The following NCALD variants were observed in gnomAD, a reference collection of about 807,000 sequenced individuals.
NCALD encodes neurocalcin delta, also known as neurocalcin-delta.
In NCALD, 10 loss-of-function variants were observed where a neutral mutation model predicts 18.6. That is an observed-to-expected ratio of 0.54 (90% confidence interval 0.33 to 0.91). The LOEUF is 0.91. Among genes scored for constraint, NCALD ranks in the 40% least tolerant of loss-of-function variants. The pLI is 0.03. For missense variants in NCALD, 184 were observed against 247.6 expected, an observed-to-expected ratio of 0.74 and a Z score of 1.72; for synonymous variants, 88 against 87.4, an observed-to-expected ratio of 1.01 and a Z score of -0.04.
chr8:101,762,632 C>T (rs191367955), intron 1 of NCALD, among the ~76,000 whole-genome samples: 12 of 149,834 alleles, frequency 8.0e-5, no homozygotes, highest in East Asian at 3.9e-4. Context: ...TGGAGTACAG[C>T]GGTGTGATAT....
In NCALD at chr8:102,044,320, C is replaced by T. The variant is rs140634600; in HGVS notation, c.-209-24031G>A. 7.8e-4 allele frequency among the ~76,000 whole-genome samples: 118 copies of T among 151,964 alleles called. 4 individuals carry two copies. The highest frequency in any genetic ancestry group is 2.5e-3 in the African/African-American group (104 of 41,320). ...CCTTGCTAGGGAATGTGAGGACACA[C>T]GGAAATGGGTTTAGGAAGAGAGGCA... is the stretch of plus-strand genomic sequence containing the variant. On this transcript the variant is annotated intron_variant, in intron 1 of 6. Transcript: ENST00000311028.
chr8:101,715,809 C>T (rs1816051406), intron 2 of NCALD, among the ~76,000 whole-genome samples: 1 of 152,116 alleles, frequency 6.6e-6, no homozygotes, highest in Non-Finnish European at 1.5e-5. Context: ...ATTAAAAAGT[C>T]AGGAAACAAC....
chr8:102,046,668 C>G (rs1472289066), intron 1 of NCALD, among the ~76,000 whole-genome samples: 1 of 152,070 alleles, frequency 6.6e-6, no homozygotes, highest in Non-Finnish European at 1.5e-5. Flanking sequence ...CCATGCCCAG[C>G]TAATTTTTGT....
chr8:102,029,163 A>G (rs1388332347), intron 1 of NCALD: 1 of 152,200 alleles, frequency 6.6e-6, no homozygotes, highest in Non-Finnish European at 1.5e-5. Context: ...AGACCAAAGT[A>G]GTAAAATGTA....
At chr8:102,022,724 C>T (rs1822317452) in intron 1 of NCALD, among the ~76,000 whole-genome samples, 1 of 152,178 alleles carries the variant, frequency 6.6e-6, no homozygotes, top group Admixed American at 6.5e-5. Context: ...TAGAGCAATA[C>T]TTACCACCCT....
At chr8:102,060,106 G>A (rs756852463) in intron 1 of NCALD, among the ~76,000 whole-genome samples, 3 of 152,036 alleles carry the variant, frequency 2.0e-5, no homozygotes, top group South Asian at 2.1e-4. Flanking sequence ...TCAGCCTCCC[G>A]AGTAGCTGGA....
chr8:101,941,474 C>G (rs948891032), intron 2 of NCALD, among the ~76,000 whole-genome samples: 1 of 152,216 alleles, frequency 6.6e-6, no homozygotes, highest in Non-Finnish European at 1.5e-5. Context: ...GTACCAGTAC[C>G]AGCCCGGGAC....
intron 3 of NCALD, among the ~76,000 whole-genome samples, chr8:101,890,636 C>T (rs569848151): frequency 6.6e-6 from 1 of 152,242 alleles, no homozygotes; most frequent in African/African-American, 2.4e-5. Flanking sequence ...AGCATTTATC[C>T]ACTCCTGAGA....
intron 1 of NCALD, among the ~76,000 whole-genome samples, chr8:101,778,460 A>G (rs147104857): frequency 6.6e-6 from 1 of 152,328 alleles, no homozygotes; most frequent in East Asian, 1.9e-4. Flanking sequence ...TGGAGTTGGA[A>G]CAAAGGACAA....
intron 4 of NCALD, among the ~76,000 whole-genome samples, chr8:101,850,933 T>C (rs1018838469): frequency 3.3e-5 from 5 of 152,176 alleles, no homozygotes; most frequent in Non-Finnish European, 4.4e-5. Flanking sequence ...TTAATAGGGT[T>C]TACTCAAGAA....
At chr8:101,953,068 C>T (rs866041802) in intron 2 of NCALD, among the ~76,000 whole-genome samples, 15 of 152,080 alleles carry the variant, frequency 9.9e-5, no homozygotes, top group African/African-American at 3.1e-4. Context: ...CACAGGAATG[C>T]TTCTGGCGCT....
intron 4 of NCALD, among the ~76,000 whole-genome samples, chr8:101,874,219 A>C (rs1036155026): frequency 1.3e-5 from 2 of 152,190 alleles, no homozygotes; most frequent in African/African-American, 4.8e-5. Flanking sequence ...GACTTTCAGG[A>C]GGTTCAGCCC....
intron 2 of NCALD, among the ~76,000 whole-genome samples, chr8:101,714,541 A>G (rs953534933): frequency 9.2e-5 from 14 of 152,246 alleles, no homozygotes; most frequent in African/African-American, 3.4e-4. Flanking sequence ...AGGAAAAATC[A>G]ATATCATGAA....
intron 4 of NCALD, among the ~76,000 whole-genome samples, chr8:101,837,322 G>T (rs1012417586): frequency 6.6e-6 from 1 of 152,012 alleles, no homozygotes; most frequent in Non-Finnish European, 1.5e-5. Context: ...TGTCTAGTGC[G>T]GTTTTCTACA....
At chr8:101,862,905 T>C (rs1815603700) in intron 4 of NCALD, among the ~76,000 whole-genome samples, 1 of 152,230 alleles carries the variant, frequency 6.6e-6, no homozygotes, top group Non-Finnish European at 1.5e-5. Flanking sequence ...AGTACTCTGC[T>C]ACAAACTTTT....
chr8:101,901,116 G>C (rs1472569950), intron 3 of NCALD, among the ~76,000 whole-genome samples: 1 of 151,702 alleles, frequency 6.6e-6, no homozygotes, highest in Non-Finnish European at 1.5e-5. Context: ...TCTGTCCTTG[G>C]TAATTTTCTT....
chr8:101,973,346 G>A (rs941352450), intron 2 of NCALD, among the ~76,000 whole-genome samples: 1 of 152,050 alleles, frequency 6.6e-6, no homozygotes, highest in Non-Finnish European at 1.5e-5. Flanking sequence ...GTCCTGCTAA[G>A]GCATATCATA....
chr8:101,819,349 G>A (rs1043564387), intron 4 of NCALD, among the ~76,000 whole-genome samples: 2 of 150,612 alleles, frequency 1.3e-5, no homozygotes, highest in East Asian at 2.0e-4. Context: ...AACATCATTT[G>A]GGTTTTTATT....
rs564396143 is a variant in NCALD, at chr8:101,708,880, G to A, written c.378+10372C>T. On this transcript the variant is annotated intron_variant, in intron 2 of 3. Coordinates refer to ENST00000220931, the MANE Select transcript of NCALD (RefSeq NM_032041.3). ...AGGAGAAGTTGAGCTTGCTGCTCAA[G>A]AATAGAAAATTGTGACTCAAGGAGA... Among the ~76,000 whole-genome samples, 6 of 152,266 alleles carry A rather than the reference G, an allele frequency of 3.9e-5. No individual in the cohort carries two copies. In the South Asian group the frequency reaches 1.2e-3, roughly 32 times the overall value.
Sources: gnomAD v4.1 joint callset for allele counts (sites outside exome capture counted in the v4.1 genomes callset) on GRCh38, gnomAD v4.1.1 for gene constraint, MANE v1.5 for transcripts, NCBI Gene and HGNC (gene_info 2026-07-23, HGNC 2026-07-21) for gene names.